Variants in MTREX observed in about 807,000 individuals in gnomAD.
MTREX encodes Mtr4 exosome RNA helicase, also known as exosome RNA helicase MTR4.
A neutral mutation model predicts 135.4 loss-of-function variants in MTREX; 76 were observed. The ratio of observed to expected loss-of-function variants is 0.56; its 90% CI spans 0.47 to 0.68. The LOEUF (loss-of-function observed/expected upper bound fraction) is 0.68. Ranked by LOEUF, MTREX falls within the 30% of genes least tolerant of loss-of-function variation. The pLI, the probability that MTREX is intolerant of heterozygous loss-of-function variation, is 0.00. For synonymous variants in MTREX, 404 were observed against 401.6 expected (o/e 1.01, Z -0.07); for missense variants, 920 against 1,262.1 (o/e 0.73, Z 4.11).
intron 15 of MTREX, among the ~76,000 whole-genome samples, chr5:55,363,781 C>CCT (rs1483509825): frequency 5.3e-5 from 8 of 152,160 alleles, no homozygotes; most frequent in African/African-American, 1.9e-4. Context: ...GTTCCCTGCA[C>CCT]CTCTCTAAGC....
chr5:55,345,571 G>A (rs909126755), intron 10 of MTREX, among the ~76,000 whole-genome samples: 7 of 151,590 alleles, frequency 4.6e-5, no homozygotes, highest in African/African-American at 7.3e-5. Context: ...GCCTGTTTTC[G>A]ATCTCTGTGG....
chr5:55,309,911 A>G (rs1019656385), intron 1 of MTREX, among the ~76,000 whole-genome samples: 1 of 152,094 alleles, frequency 6.6e-6, no homozygotes. Context: ...AAAATAGTCT[A>G]CTCGCATTAA....
chr5:55,362,608 A>G (rs1322387543), intron 15 of MTREX, among the ~76,000 whole-genome samples: 1 of 152,024 alleles, frequency 6.6e-6, no homozygotes, highest in Non-Finnish European at 1.5e-5. Flanking sequence ...TGATCCACCC[A>G]CCTTGGCCTC....
At chr5:55,368,175 T>A (rs1750134539) in intron 16 of MTREX, among the ~76,000 whole-genome samples, 1 of 152,136 alleles carries the variant, frequency 6.6e-6, no homozygotes, top group South Asian at 2.1e-4. Flanking sequence ...TTCAGCCAGG[T>A]GTGGTGGCTC....
chr5:55,405,727 C>T lies in MTREX; in HGVS notation c.2645+139C>T, dbSNP rs147911527. ...GCGCAATCTCAGCTCACTGCAACTCCGCCTCGCAGTTTTAAGTGATTTTAA... is the reference window on the plus strand; with the variant it reads ...GCGCAATCTCAGCTCACTGCAACTCTGCCTCGCAGTTTTAAGTGATTTTAA... On this transcript the variant is annotated intron_variant, in intron 22 of 26. Coordinates refer to ENST00000230640, the MANE Select transcript of MTREX (RefSeq NM_015360.5). 3,492 of 557,632 alleles carry T rather than the reference C, an allele frequency of 6.3e-3. 20 individuals are homozygous for T. The highest frequency in any genetic ancestry group is 0.019 in the East Asian group (637 of 33,540). The allele number at this position is 557,632 out of a possible 1,614,324, so 34.5% of individuals were successfully genotyped here. A position where few individuals can be genotyped will look rare whatever the true frequency, so the allele number is the denominator to read the frequency against.
At chr5:55,318,951 G>A (rs1311985683) in intron 1 of MTREX, among the ~76,000 whole-genome samples, 1 of 151,992 alleles carries the variant, frequency 6.6e-6, no homozygotes, top group South Asian at 2.1e-4. Flanking sequence ...AAATATATAA[G>A]AATGGCACCA....
intron 14 of MTREX, chr5:55,356,428 G>C: frequency 4.8e-6 from 1 of 207,400 alleles, no homozygotes; most frequent in Non-Finnish European, 1.0e-5. Flanking sequence ...TTGGTGCTCT[G>C]GCAGTGTGAG....
intron 22 of MTREX, 30 bp downstream of exon 22, chr5:55,405,618 C>A: frequency 2.0e-6 from 3 of 1,500,570 alleles, no homozygotes; most frequent in South Asian, 1.3e-5. Flanking sequence ...CTAGAAAGTT[C>A]ATTTTTTTTT....
intron 4 of MTREX, among the ~76,000 whole-genome samples, 161 bp downstream of exon 4, chr5:55,327,939 C>T (rs1749410159): frequency 6.6e-6 from 1 of 152,100 alleles, no homozygotes; most frequent in Admixed American, 6.6e-5. Flanking sequence ...AATCAGTTAA[C>T]AACTATGCTG....
chr5:55,332,688 C>T (rs1244381521), intron 5 of MTREX, among the ~76,000 whole-genome samples: 2 of 152,138 alleles, frequency 1.3e-5, no homozygotes, highest in African/African-American at 4.8e-5. Flanking sequence ...ATAATTCCCT[C>T]CCAAGATAAT....
At chr5:55,352,451 T>C (rs1345616848) in intron 13 of MTREX, among the ~76,000 whole-genome samples, 6 of 152,122 alleles carry the variant, frequency 3.9e-5, no homozygotes, top group Admixed American at 6.5e-5. Flanking sequence ...CAGTTGTATG[T>C]AAAGTAAAAA....
chr5:55,425,351 T>G lies in MTREX; in HGVS notation c.*579T>G, dbSNP rs2111645403. On this transcript the variant is annotated 3_prime_UTR_variant, in exon 27 of 27. Coordinates refer to ENST00000230640, the MANE Select transcript of MTREX (RefSeq NM_015360.5). ...ATATACAGCCTACAGTGCAAAATAT[T>G]TAATGGTATAATTTAGATCAAGTTA... 1 of 1,575,416 alleles carries G rather than the reference T, an allele frequency of 6.3e-7. No individual in the cohort carries two copies. Among genetic ancestry groups the G allele is most frequent in the South Asian group, 1.1e-5 (1 of 88,208 alleles).
chr5:55,347,931 C>A (rs767979783), intron 11 of MTREX, among the ~76,000 whole-genome samples: 5 of 152,074 alleles, frequency 3.3e-5, no homozygotes, highest in Non-Finnish European at 5.9e-5. Context: ...TTTTCAAAAC[C>A]ATCAGATCTC....
At chr5:55,330,264 T>C (rs1185045375) in intron 5 of MTREX, among the ~76,000 whole-genome samples, 1 of 151,824 alleles carries the variant, frequency 6.6e-6, no homozygotes, top group Non-Finnish European at 1.5e-5. Flanking sequence ...TTTGTGGAGA[T>C]GAAATCTCGC....
chr5:55,345,640 T>A (rs1461956983), intron 10 of MTREX, among the ~76,000 whole-genome samples: 1 of 151,990 alleles, frequency 6.6e-6, no homozygotes, highest in African/African-American at 2.4e-5. Context: ...CTTAATGTAA[T>A]GTTTTCAAGG....
intron 6 of MTREX, among the ~76,000 whole-genome samples, chr5:55,340,668 G>A (rs1266137278): frequency 8.5e-5 from 13 of 152,074 alleles, no homozygotes; most frequent in Non-Finnish European, 1.6e-4. Context: ...TGCAAGCTCC[G>A]CCTCCTGGGT....
chr5:55,357,682 G>C (rs993540248), intron 14 of MTREX, among the ~76,000 whole-genome samples: 1 of 152,202 alleles, frequency 6.6e-6, no homozygotes, highest in Non-Finnish European at 1.5e-5. Flanking sequence ...TCAGGCATCA[G>C]CATTGTGACC....
chr5:55,422,428 G>A (rs1185094937), intron 25 of MTREX, among the ~76,000 whole-genome samples: 3 of 152,168 alleles, frequency 2.0e-5, no homozygotes, highest in Non-Finnish European at 2.9e-5. Flanking sequence ...CATTCTATGA[G>A]ATGGTATGGA....
intron 1 of MTREX, among the ~76,000 whole-genome samples, chr5:55,309,219 A>G (rs1749057535): frequency 6.6e-6 from 1 of 152,178 alleles, no homozygotes; most frequent in South Asian, 2.1e-4. Context: ...TACAAGAGAT[A>G]AGACTGGGAA....
Sources: allele counts gnomAD v4.1 joint callset (sites outside exome capture counted in the v4.1 genomes callset), GRCh38; gene constraint gnomAD v4.1.1; transcripts MANE v1.5; gene names NCBI Gene and HGNC (gene_info 2026-07-23, HGNC 2026-07-21).